FNIP2: variants seen among roughly 807,000 people sequenced by gnomAD.
FNIP2 encodes the protein folliculin-interacting protein 2.
In FNIP2, 32 loss-of-function variants were observed where a neutral mutation model predicts 108.7. The observed-to-expected ratio is 0.29, with a 90% CI of 0.22 to 0.40. FNIP2 has a LOEUF of 0.40. Among genes scored for constraint, FNIP2 ranks in the 10% least tolerant of loss-of-function variants. The pLI, the probability that FNIP2 is intolerant of heterozygous loss-of-function variation, is 1.00. For missense variants in FNIP2, 1,202 were observed against 1,381.6 expected, an observed-to-expected ratio of 0.87 and a Z score of 2.06; for synonymous variants, 480 against 496.7, an observed-to-expected ratio of 0.97 and a Z score of 0.45.
At chr4:158,850,579 A>G (rs1393608173) in intron 7 of FNIP2, among the ~76,000 whole-genome samples, 1 of 150,058 alleles carries the variant, frequency 6.7e-6, no homozygotes, top group African/African-American at 2.5e-5. Context: ...CCAAGCAGAA[A>G]GCATATTGGA....
At chr4:158,881,987 A>G (rs1332541837) in intron 14 of FNIP2, among the ~76,000 whole-genome samples, 8 of 147,102 alleles carry the variant, frequency 5.4e-5, no homozygotes, top group Non-Finnish European at 1.2e-4. Flanking sequence ...CCCGGCCGCC[A>G]TCCAGTCTAG....
chr4:158,782,726 T>G (rs1776094567), intron 1 of FNIP2, among the ~76,000 whole-genome samples: 1 of 151,988 alleles, frequency 6.6e-6, no homozygotes, highest in African/African-American at 2.4e-5. Context: ...GGGAGAGGGT[T>G]GGAAAAAGGG....
chr4:158,812,478 A>C (rs973249475), intron 1 of FNIP2, among the ~76,000 whole-genome samples: 1 of 152,198 alleles, frequency 6.6e-6, no homozygotes, highest in Non-Finnish European at 1.5e-5. Context: ...TGACTGTAAC[A>C]GACAAAAGTG....
chr4:158,778,598 GTATAT>G (rs143111823), intron 1 of FNIP2, among the ~76,000 whole-genome samples: 3,667 of 152,168 alleles, frequency 0.024, 133 homozygotes, highest in African/African-American at 0.083. Flanking sequence ...TATGATTATA[GTATAT>G]TATAATTGTT....
At chr4:158,801,386 G>A (rs1005782258) in intron 1 of FNIP2, among the ~76,000 whole-genome samples, 1 of 152,216 alleles carries the variant, frequency 6.6e-6, no homozygotes, top group African/African-American at 2.4e-5. Context: ...AATTTGAGAT[G>A]TAGAAGAAAG....
chr4:158,901,661 A>G (rs959768994), intron 16 of FNIP2, among the ~76,000 whole-genome samples: 1 of 151,626 alleles, frequency 6.6e-6, no homozygotes, highest in African/African-American at 2.4e-5. Context: ...ACATAGTCTC[A>G]TATTTCTTGG....
chr4:158,841,840 A>G (rs1461835343), intron 7 of FNIP2, among the ~76,000 whole-genome samples: 3 of 152,210 alleles, frequency 2.0e-5, no homozygotes, highest in African/African-American at 4.8e-5. Flanking sequence ...ATATCCCACA[A>G]CTTGCCTTGT....
intron 12 of FNIP2, among the ~76,000 whole-genome samples, chr4:158,863,024 T>G (rs1578933718): frequency 6.6e-6 from 1 of 152,332 alleles, no homozygotes; most frequent in East Asian, 1.9e-4. Context: ...ACGAAGAGTT[T>G]TTTCCTGTGG....
chr4:158,896,722 T>C (rs536246159), intron 16 of FNIP2, among the ~76,000 whole-genome samples: 2 of 152,218 alleles, frequency 1.3e-5, no homozygotes, highest in South Asian at 4.1e-4. Context: ...TACAAAGTAT[T>C]TCCCCCTTAT....
chr4:158,884,859 G>A (rs769464862), intron 14 of FNIP2, among the ~76,000 whole-genome samples: 5 of 151,914 alleles, frequency 3.3e-5, no homozygotes, highest in South Asian at 2.1e-4. Context: ...GTCAGCTCTC[G>A]GCCAGCCACA....
chr4:158,821,092 A>C (rs902852737), intron 1 of FNIP2, among the ~76,000 whole-genome samples: 5 of 152,346 alleles, frequency 3.3e-5, no homozygotes, highest in African/African-American at 1.2e-4. Context: ...AATCTTGATG[A>C]GTAGTTTCAG....
At chr4:158,795,626 C>G (rs1776560663) in intron 1 of FNIP2, among the ~76,000 whole-genome samples, 1 of 152,188 alleles carries the variant, frequency 6.6e-6, no homozygotes, top group Non-Finnish European at 1.5e-5. Flanking sequence ...GGTATTCTTC[C>G]CTAAACCAGG....
intron 15 of FNIP2, among the ~76,000 whole-genome samples, chr4:158,894,413 C>G (rs1782503509): frequency 1.3e-5 from 2 of 151,950 alleles, no homozygotes; most frequent in Non-Finnish European, 2.9e-5. Flanking sequence ...CTCAAGTGAT[C>G]CTCCTACCTC....
chr4:158,866,133 C>T (rs1331171105), intron 12 of FNIP2, among the ~76,000 whole-genome samples: 1 of 149,892 alleles, frequency 6.7e-6, no homozygotes, highest in Admixed American at 6.7e-5. Context: ...TAACTTCCTA[C>T]ATTCTGATTT....
chr4:158,791,117 C>T (rs1776398693), intron 1 of FNIP2, among the ~76,000 whole-genome samples: 3 of 137,944 alleles, frequency 2.2e-5, no homozygotes, highest in Admixed American at 7.1e-5. Flanking sequence ...TAGCAATAAA[C>T]GAGAAGGTGG....
At chr4:158,890,760 A>G (rs562599144) in intron 14 of FNIP2, among the ~76,000 whole-genome samples, 5 of 152,310 alleles carry the variant, frequency 3.3e-5, no homozygotes, top group Admixed American at 3.3e-4. Flanking sequence ...ACCATGGACT[A>G]CTTGAAGGTG....
chr4:158,887,047 C>T lies in FNIP2; in HGVS notation c.2950-4399C>T, dbSNP rs180751994. On this transcript the variant is annotated intron_variant, in intron 14 of 16. Transcript: ENST00000264433. ...AGGTGTATGGGAGGCCAAAGTGAGG[C>T]TCACCATGGTTCAGTTGTCAGCGTT... Among the ~76,000 whole-genome samples, 115 of 152,264 alleles carry T rather than the reference C, an allele frequency of 7.6e-4. 1 individual carries two copies. The highest frequency in any genetic ancestry group is 6.5e-3 in the Admixed American group (100 of 15,294).
intron 1 of FNIP2, among the ~76,000 whole-genome samples, chr4:158,776,234 G>T (rs1047547623): frequency 5.3e-5 from 8 of 152,176 alleles, no homozygotes; most frequent in Admixed American, 2.0e-4. Flanking sequence ...CATATCTGGT[G>T]GGGACCTCAG....
rs1780750906 is a variant in FNIP2 at position 158,868,876 on chromosome 4, C to T, written c.2240C>T (p.Pro747Leu). 6.2e-7 allele frequency: 1 copy of T among 1,613,776 alleles called. No individual in the cohort carries two copies. The highest frequency in any genetic ancestry group is 1.3e-5 in the African/African-American group (1 of 74,898). ...GAGGAACGGGTGAAGGCCTGTGGCC[C>T]CTCCTTGGAGGCCAGTGAGGCTGCT... Reference protein sequence around the residue: ...KMEERVKACGPSLEASEAADV... With the variant: ...KMEERVKACGLSLEASEAADV... Residue 747 changes from proline to leucine, a missense_variant, in exon 13 of 17, where the codon CCC (proline) becomes CTC (leucine). By Grantham distance (98) the Pro-to-Leu change is moderately conservative (BLOSUM62 -3). Transcript: ENST00000264433. This position sits in a 1 kb window ranked among gnomAD's most constrained non-coding sequence, Gnocchi z 4.6.
Sources: gnomAD v4.1 joint callset for allele counts (sites outside exome capture counted in the v4.1 genomes callset) on GRCh38, gnomAD v4.1.1 for gene constraint, Gnocchi (gnomAD v3.1) non-coding constraint, MANE v1.5 for transcripts, NCBI Gene and HGNC (gene_info 2026-07-23, HGNC 2026-07-21) for gene names.